Variants in GRIK1 observed in about 807,000 individuals in gnomAD.
GRIK1 encodes the protein glutamate ionotropic receptor kainate type subunit 1, also known as glutamate receptor ionotropic, kainate 1.
GRIK1 carries 69 observed loss-of-function variants against 105.7 expected under a neutral mutation model. The ratio of observed to expected loss-of-function variants is 0.65; its 90% confidence interval spans 0.54 to 0.80. The LOEUF (loss-of-function observed/expected upper bound fraction) is 0.80. GRIK1 is among the 30% of genes least tolerant of loss of function. The pLI is 0.00. For missense variants in GRIK1, 1,109 were observed against 1,167.3 expected, an observed-to-expected ratio of 0.95 and a Z score of 0.73; for synonymous variants, 438 against 431.3, an observed-to-expected ratio of 1.02 and a Z score of -0.19.
intron 1 of GRIK1, among the ~76,000 whole-genome samples, chr21:29,773,997 T>C (rs1742094159): frequency 1.3e-5 from 2 of 152,198 alleles, no homozygotes. Context: ...AGACCATATC[T>C]CTATGCTGGA....
chr21:29,692,676 C>A (rs1027033129), intron 2 of GRIK1, among the ~76,000 whole-genome samples: 1 of 152,202 alleles, frequency 6.6e-6, no homozygotes, highest in Non-Finnish European at 1.5e-5. Flanking sequence ...CGGGTTCACA[C>A]TATTCTCCTG....
chr21:29,597,985 A>C (rs1358351551), intron 8 of GRIK1, among the ~76,000 whole-genome samples: 2 of 152,110 alleles, frequency 1.3e-5, no homozygotes, highest in Non-Finnish European at 2.9e-5. Context: ...CATTAAGCAC[A>C]CTGTCTTATT....
chr21:29,934,392 A>G (rs60292274), intron 1 of GRIK1, among the ~76,000 whole-genome samples: 14 of 152,300 alleles, frequency 9.2e-5, no homozygotes, highest in Admixed American at 9.2e-4. Flanking sequence ...TTGCAGAAAC[A>G]TGTTAACGTT....
chr21:29,893,885 C>T (rs1182736455), intron 1 of GRIK1, among the ~76,000 whole-genome samples: 1 of 152,142 alleles, frequency 6.6e-6, no homozygotes, highest in East Asian at 1.9e-4. Context: ...TGGAGAGTCA[C>T]TTGAGAGGTG....
intron 7 of GRIK1, among the ~76,000 whole-genome samples, chr21:29,629,601 T>G (rs1417626125): frequency 1.3e-5 from 2 of 151,954 alleles, no homozygotes; most frequent in Non-Finnish European, 2.9e-5. Flanking sequence ...GCGATTCTCC[T>G]GCCTCAGCAT....
intron 1 of GRIK1, among the ~76,000 whole-genome samples, chr21:29,829,759 A>T (rs2067573540): frequency 6.6e-6 from 1 of 152,164 alleles, no homozygotes; most frequent in African/African-American, 2.4e-5. Flanking sequence ...TCACTCCTAC[A>T]TCATTATACC....
chr21:29,578,891 A>G (rs1489602813), intron 13 of GRIK1, among the ~76,000 whole-genome samples: 1 of 152,206 alleles, frequency 6.6e-6, no homozygotes, highest in Non-Finnish European at 1.5e-5. Context: ...ATTTCATAAA[A>G]TAGCCATAGG....
intron 1 of GRIK1, among the ~76,000 whole-genome samples, chr21:29,858,385 C>A (rs2832455): frequency 6.6e-6 from 1 of 152,088 alleles, no homozygotes; most frequent in Non-Finnish European, 1.5e-5. Flanking sequence ...GTACCAGGTC[C>A]TATGTCAGGG....
At chr21:29,605,358 C>T (rs1475505513) in intron 7 of GRIK1, among the ~76,000 whole-genome samples, 1 of 152,188 alleles carries the variant, frequency 6.6e-6, no homozygotes, top group East Asian at 1.9e-4. Context: ...AGGATAACAG[C>T]TTCCAACTCC....
intron 1 of GRIK1, among the ~76,000 whole-genome samples, chr21:29,774,514 C>A (rs1047243965): frequency 6.8e-6 from 1 of 146,158 alleles, no homozygotes; most frequent in African/African-American, 2.5e-5. Context: ...TGCAGTGGCA[C>A]GATCTCGGCT....
rs144791687 is a variant in GRIK1 at position 29,593,370 on chromosome 21, T to A, written c.1252-2145A>T. On this transcript the variant is annotated intron_variant, in intron 9 of 17. Coordinates refer to ENST00000327783, the MANE Select transcript of GRIK1 (RefSeq NM_001330994.2). ...CATTATACGTCTAATGGTTGAAGAA[T>A]CTTTAGGTTTCTTAATCTGGCTTTA... 2.6e-5 allele frequency among the ~76,000 whole-genome samples: 4 copies of A among 152,306 alleles called. No homozygotes were observed. The East Asian group carries it at 7.7e-4, about 29-fold the overall frequency.
chr21:29,816,440 T>C (rs2067156873), intron 1 of GRIK1, among the ~76,000 whole-genome samples: 1 of 152,112 alleles, frequency 6.6e-6, no homozygotes, highest in African/African-American at 2.4e-5. Context: ...TCAATCTCAC[T>C]ACCAGGTATT....
intron 3 of GRIK1, among the ~76,000 whole-genome samples, chr21:29,689,142 G>A (rs2063537793): frequency 6.6e-6 from 1 of 151,604 alleles, no homozygotes; most frequent in African/African-American, 2.4e-5. Flanking sequence ...TCAAATGGGG[G>A]CGGGTCAGAG....
intron 1 of GRIK1, among the ~76,000 whole-genome samples, chr21:29,932,903 A>G (rs2071619411): frequency 6.6e-6 from 1 of 151,768 alleles, no homozygotes; most frequent in Admixed American, 6.6e-5. Flanking sequence ...AACAATGTTA[A>G]AAAGCAAGTC....
intron 1 of GRIK1, among the ~76,000 whole-genome samples, chr21:29,843,563 T>C (rs2068037028): frequency 6.6e-6 from 1 of 152,138 alleles, no homozygotes; most frequent in Non-Finnish European, 1.5e-5. Context: ...GCCTTATATA[T>C]TTTTCTTAGG....
chr21:29,789,951 C>A (rs1459120568), intron 1 of GRIK1, among the ~76,000 whole-genome samples: 1 of 152,174 alleles, frequency 6.6e-6, no homozygotes, highest in African/African-American at 2.4e-5. Flanking sequence ...GCTCACAAAT[C>A]AAATCTTTGT....
At chr21:29,734,764 C>T (rs457275) in intron 1 of GRIK1, among the ~76,000 whole-genome samples, 113,357 of 151,998 alleles carry the variant, frequency 0.75, 45,221 homozygotes, top group South Asian at 0.89. Flanking sequence ...ATTCTTGTCA[C>T]CATTGCCTCT....
At chr21:29,690,283 C>G (rs2063562066) in intron 2 of GRIK1, among the ~76,000 whole-genome samples, 1 of 152,158 alleles carries the variant, frequency 6.6e-6, no homozygotes, top group Middle Eastern at 3.2e-3. Context: ...GTCTAAATCC[C>G]TTGCTTGGTA....
intron 7 of GRIK1, among the ~76,000 whole-genome samples, chr21:29,625,044 G>A (rs1440990785): frequency 6.6e-6 from 1 of 152,172 alleles, no homozygotes; most frequent in Admixed American, 6.5e-5. Flanking sequence ...ACATGTGGAG[G>A]GCACGAGGCC....
Sources: gnomAD v4.1 joint callset for allele counts (sites outside exome capture counted in the v4.1 genomes callset) on GRCh38, gnomAD v4.1.1 for gene constraint, MANE v1.5 for transcripts, NCBI Gene and HGNC (gene_info 2026-07-23, HGNC 2026-07-21) for gene names.